Variants in NCOA6 observed in about 807,000 individuals in gnomAD.
NCOA6 encodes the protein NRC RAP250.
NCOA6 carries 49 observed loss-of-function variants against 171.4 expected under a neutral mutation model. The ratio of observed to expected loss-of-function variants is 0.29; its 90% CI spans 0.23 to 0.36. NCOA6 has a LOEUF of 0.36. Ranked by LOEUF, NCOA6 falls within the 10% of genes least tolerant of loss-of-function variation. The pLI is 1.00. For synonymous variants in NCOA6, 910 were observed against 927.5 expected, an observed-to-expected ratio of 0.98 and a Z score of 0.34; for missense variants, 2,248 against 2,554.5, an observed-to-expected ratio of 0.88 and a Z score of 2.59.
In NCOA6 at chr20:34,782,234, C is replaced by G. The variant is rs757531234; in HGVS notation, c.122G>C (p.Ser41Thr). The G allele has an allele frequency of 2.3e-5, 37 of 1,612,504 alleles. No individual in the cohort carries two copies. Among genetic ancestry groups the G allele is most frequent in the Non-Finnish European group, 3.1e-5 (37 of 1,179,198 alleles). Residue 41 changes from serine to threonine, a missense_variant, in exon 3 of 15, where the codon AGT becomes ACT. Ser to Thr is a moderately conservative substitution (Grantham distance 58). Coordinates refer to ENST00000359003, the MANE Select transcript of NCOA6 (RefSeq NM_014071.5). ...GLEDDDTKSD[S>T]ILEDSTIFVA... ...AAAAATTGTGGAATCCTCCAAAATA[C>G]TATCACTTTTTGTGTCATCATCTTC... is the stretch of plus-strand genomic sequence containing the variant.
chr20:34,812,841 C>T (rs2078712031), intron 1 of NCOA6, among the ~76,000 whole-genome samples: 1 of 151,826 alleles, frequency 6.6e-6, no homozygotes, highest in Non-Finnish European at 1.5e-5. Flanking sequence ...CATAGGGAGA[C>T]CCCACTTCTA....
chr20:34,763,382 C>T (rs990503876), intron 5 of NCOA6, among the ~76,000 whole-genome samples: 4 of 152,082 alleles, frequency 2.6e-5, no homozygotes, highest in Non-Finnish European at 5.9e-5. Context: ...ATAAGTTATC[C>T]ACTTTGATGA....
intron 8 of NCOA6, among the ~76,000 whole-genome samples, chr20:34,753,299 G>A (rs1019858012): frequency 2.7e-5 from 4 of 150,938 alleles, no homozygotes; most frequent in Admixed American, 6.6e-5. Flanking sequence ...CACCTGCCTC[G>A]GCCTCTCAAA....
intron 1 of NCOA6, among the ~76,000 whole-genome samples, chr20:34,816,784 G>T (rs1294788732): frequency 7.1e-6 from 1 of 140,656 alleles, no homozygotes; most frequent in East Asian, 2.2e-4. Flanking sequence ...CCTGGGCAAG[G>T]GAGTGAGATG....
In NCOA6 at chr20:34,740,633, C is replaced by A; in HGVS notation, c.5623G>T (p.Asp1875Tyr). ...GCTGGGGGCGTTGGGGTTTTACTGT[C>A]CAGCTCTGTGGATAACTGCTCTGTT... ...MGTEQLSTEL[D>Y]SKTPTPPAPT... The change falls in exon 11 of 15, where the codon GAC (aspartate) becomes TAC (tyrosine). Residue 1875 changes from aspartate (D) to tyrosine (Y), a missense_variant. By Grantham distance (160) the Asp-to-Tyr change is radical. Transcript: ENST00000359003. The A allele has an allele frequency of 1.2e-6, 2 of 1,614,150 alleles. No individual in the cohort carries two copies. The highest frequency in any genetic ancestry group is 2.7e-5 in the African/African-American group (2 of 75,024).
chr20:34,734,212 G>A (rs1419726356), intron 12 of NCOA6, among the ~76,000 whole-genome samples: 3 of 151,842 alleles, frequency 2.0e-5, no homozygotes, highest in African/African-American at 4.8e-5. Flanking sequence ...GTATAGGCAC[G>A]CGGTACCAGG....
At chr20:34,806,604 G>A (rs1601115957) in intron 1 of NCOA6, among the ~76,000 whole-genome samples, 1 of 152,158 alleles carries the variant, frequency 6.6e-6, no homozygotes. Context: ...TAGGGGTCTA[G>A]TTTCATTCTT....
At chr20:34,724,105 TC>T in intron 14 of NCOA6, among the ~76,000 whole-genome samples, 1 of 152,254 alleles carries the variant, frequency 6.6e-6, no homozygotes, top group East Asian at 1.9e-4. Context: ...TGTACTCCCT[TC>T]CAAACTAGTT....
intron 5 of NCOA6, among the ~76,000 whole-genome samples, chr20:34,767,693 C>T (rs1352593527): frequency 1.3e-5 from 2 of 152,192 alleles, no homozygotes; most frequent in East Asian, 3.9e-4. Context: ...TAAGCAGGTT[C>T]TTACTCTGCT....
rs1988372676 is a variant in NCOA6 at position 34,715,157 on chromosome 20, G to A, written c.*165C>T. 1.2e-6 allele frequency: 1 copy of A among 819,992 alleles called. No individual in the cohort carries two copies. Among genetic ancestry groups the A allele is most frequent in the East Asian group, 2.8e-5 (1 of 35,878 alleles). 50.8% of individuals were successfully genotyped at this position (819,992 alleles called of 1,614,324 possible). On this transcript the variant is annotated 3_prime_UTR_variant, in exon 15 of 15. Coordinates refer to ENST00000359003, the MANE Select transcript of NCOA6 (RefSeq NM_014071.5). Reference sequence around the variant, plus strand: ...AACACCAAAAGGGCTCAACAGTCCTGCTTTCCCCATTGCACTTTATGAAAC... The same window carrying A: ...AACACCAAAAGGGCTCAACAGTCCTACTTTCCCCATTGCACTTTATGAAAC...
At position 34,741,731 on chromosome 20, in the gene NCOA6, C is replaced by G; in HGVS notation, c.4525G>C (p.Gly1509Arg). The G allele has an allele frequency of 4.3e-6, 7 of 1,614,102 alleles. No homozygotes were observed. Among genetic ancestry groups the G allele is most frequent in the Non-Finnish European group, 5.9e-6 (7 of 1,180,030 alleles). The change falls in exon 11 of 15, where the codon GGG becomes CGG. Residue 1509 changes from glycine to arginine, a missense_variant. Coordinates refer to ENST00000359003, the MANE Select transcript of NCOA6 (RefSeq NM_014071.5). ...GGTGTTACTTCCAGATCTGTAAGCCCAGGGGGTTTAATTGTCACATTGGGA... is the reference window on the plus strand; with the variant it reads ...GGTGTTACTTCCAGATCTGTAAGCCGAGGGGGTTTAATTGTCACATTGGGA... Reference protein sequence around the residue: ...GAPNVTIKPPGLTDLEVTPPV... With the variant: ...GAPNVTIKPPRLTDLEVTPPV...
In NCOA6 at chr20:34,724,792, T is replaced by C. The variant is rs1029838264; in HGVS notation, c.6148+2467A>G. Among the ~76,000 whole-genome samples the C allele has an allele frequency of 2.8e-5, 4 of 143,196 alleles. No individual in the cohort carries two copies. The Admixed American group carries it at 2.8e-4, about 10-fold the overall frequency. 93.9% of individuals were successfully genotyped at this position (143,196 alleles called of 152,430 possible). A position where few individuals can be genotyped will look rare whatever the true frequency, so the allele number is the denominator to read the frequency against. On this transcript the variant is annotated intron_variant, in intron 14 of 14. Transcript: ENST00000359003. The stretch of plus-strand genomic sequence containing the variant: ...CTTTCAATGTGGTAAAGACAGAGAC[T>C]TTTTTTTTTTTTTTGAGATGGAGTC...
Position 34,742,990 on chromosome 20 carries a change from G to A in NCOA6, c.3266C>T (p.Pro1089Leu). 1 of 1,613,598 alleles carries A rather than the reference G, an allele frequency of 6.2e-7. No homozygotes were observed. The highest frequency in any genetic ancestry group is 8.5e-7 in the Non-Finnish European group (1 of 1,179,588). ...CATTCTTTGTTTATCAGGTGATGGT[G>A]GCACGGAGGCAGGTCCTTGCAGACT... ...MVSLQGPASVPPSPDKQRMPM... is the reference protein window; with the variant it reads ...MVSLQGPASVLPSPDKQRMPM... The change falls in exon 11 of 15, where the codon CCA becomes CTA. Residue 1089 changes from proline (P) to leucine (L), a missense_variant. Transcript: ENST00000359003.
chr20:34,726,667 C>T (rs533058011), intron 14 of NCOA6, among the ~76,000 whole-genome samples: 1 of 152,164 alleles, frequency 6.6e-6, no homozygotes, highest in South Asian at 2.1e-4. Context: ...CACCTGTAAT[C>T]CCAGCTACTC....
At chr20:34,763,986 C>T (rs542223840) in intron 5 of NCOA6, among the ~76,000 whole-genome samples, 7 of 150,624 alleles carry the variant, frequency 4.6e-5, no homozygotes, top group Non-Finnish European at 7.4e-5. Context: ...TTGTTTACTG[C>T]CGTTTAAATA....
chr20:34,742,337 A>C lies in NCOA6; in HGVS notation c.3919T>G (p.Ser1307Ala). Reference protein sequence around the residue: ...FATPQTHKLDSVVVNSGKQSN... With the variant: ...FATPQTHKLDAVVVNSGKQSN... ...TGCTTTCCAGAATTCACTACCACAGAATCTAATTTGTGAGTTTGTGGGGTA... is the reference window on the plus strand; with the variant it reads ...TGCTTTCCAGAATTCACTACCACAGCATCTAATTTGTGAGTTTGTGGGGTA... Residue 1307 changes from serine to alanine, a missense_variant, in exon 11 of 15, where the codon TCT (serine) becomes GCT (alanine). Coordinates refer to ENST00000359003, the MANE Select transcript of NCOA6 (RefSeq NM_014071.5). 1 of 1,614,156 alleles carries C rather than the reference A, an allele frequency of 6.2e-7. No individual in the cohort carries two copies. The highest frequency in any genetic ancestry group is 1.3e-5 in the African/African-American group (1 of 75,024).
intron 4 of NCOA6, among the ~76,000 whole-genome samples, chr20:34,770,777 T>C (rs1478380803): frequency 6.6e-6 from 1 of 151,790 alleles, no homozygotes; most frequent in East Asian, 1.9e-4. Context: ...TTACAGGTGC[T>C]TGCCACCACG....
intron 2 of NCOA6, among the ~76,000 whole-genome samples, chr20:34,784,192 A>C (rs1022553339): frequency 6.6e-6 from 1 of 152,030 alleles, no homozygotes; most frequent in Non-Finnish European, 1.5e-5. Context: ...TCCTTGCATA[A>C]ATGAAAAAAA....
Position 34,798,125 on chromosome 20 carries a change from C to T in NCOA6, c.-163-5562G>A, listed in dbSNP as rs555450512. Reference sequence around the variant, plus strand: ...GAGTCCTAGGCCTGGCAGCATTCATCACAACCTAACTCAAGAGCCTTCGGG... The same window carrying T: ...GAGTCCTAGGCCTGGCAGCATTCATTACAACCTAACTCAAGAGCCTTCGGG... On this transcript the variant is annotated intron_variant, in intron 1 of 14. Transcript: ENST00000359003. Among the ~76,000 whole-genome samples, 4 of 152,306 alleles carry T rather than the reference C, an allele frequency of 2.6e-5. No homozygotes were observed. In the East Asian group the frequency reaches 7.7e-4, roughly 29 times the overall value.
Sources: allele counts gnomAD v4.1 joint callset (sites outside exome capture counted in the v4.1 genomes callset), GRCh38; gene constraint gnomAD v4.1.1; transcripts MANE v1.5; gene names NCBI Gene and HGNC (gene_info 2026-07-23, HGNC 2026-07-21).